The following CLDN10 variants were observed in gnomAD, a reference collection of about 807,000 sequenced individuals.
CLDN10 encodes the protein claudin-10.
In CLDN10, 15 loss-of-function variants were observed where a neutral mutation model predicts 22.9. That is an observed-to-expected ratio of 0.65 (90% CI 0.44 to 1.01). The LOEUF is 1.01. Ranked by LOEUF, CLDN10 falls within the 50% of genes least tolerant of loss-of-function variation. The probability of loss-of-function intolerance (pLI) is 0.00; values close to 1 mark genes in which losing one functional copy is unlikely to be tolerated. For missense variants in CLDN10, 247 were observed against 287.8 expected (o/e 0.86, Z 1.03); for synonymous variants, 114 against 111.4 (o/e 1.02, Z -0.15).
intron 1 of CLDN10, among the ~76,000 whole-genome samples, chr13:95,471,453 A>ATATATATATATATTTT (rs776857009): frequency 8.5e-5 from 9 of 106,390 alleles, no homozygotes; most frequent in Non-Finnish European, 1.4e-4. Flanking sequence ...ATATATATAT[A>ATATATATATATATTTT]TTTTTTTTTT....
In CLDN10 at chr13:95,536,906, G is replaced by T. The variant is rs578016764; in HGVS notation, c.215-23226G>T. Among the ~76,000 whole-genome samples, 4 of 152,310 alleles carry T rather than the reference G, an allele frequency of 2.6e-5. No homozygotes were observed. The South Asian group carries it at 8.3e-4, about 32-fold the overall frequency. On this transcript the variant is annotated intron_variant, in intron 1 of 4. Coordinates refer to the CLDN10 transcript ENST00000376873. Reference sequence around the variant, plus strand: ...ATTTTACAAAATGTCTTTGCTGCTAGTGGTATTTAAATTTCACAGCTGCTG... The same window carrying T: ...ATTTTACAAAATGTCTTTGCTGCTATTGGTATTTAAATTTCACAGCTGCTG...
At chr13:95,550,153 C>T (rs1003690826), upstream of CLDN10, among the ~76,000 whole-genome samples, 8 of 152,146 alleles carry the variant, frequency 5.3e-5, no homozygotes, top group African/African-American at 1.9e-4. Flanking sequence ...GTGTTCCAAG[C>T]AGGAATTCAG....
chr13:95,443,883 C>T (rs2042347191), intron 1 of CLDN10, among the ~76,000 whole-genome samples: 1 of 152,054 alleles, frequency 6.6e-6, no homozygotes, highest in East Asian at 1.9e-4. Context: ...TCAGCAAGGC[C>T]CCAAGTGCCA....
At position 95,578,022 on chromosome 13, in the gene CLDN10, C is replaced by CGCGGGCAAAAAAGA. The variant is rs1566348936; in HGVS notation, c.*10_*11insGGGCAAAAAAGAGC. On this transcript the variant is annotated 3_prime_UTR_variant, in exon 5 of 5. Coordinates refer to ENST00000299339, the MANE Select transcript of CLDN10 (RefSeq NM_006984.5). Reference sequence around the variant, plus strand: ...AAAAATGCTTATGTCTAAAAGAGCTCGCTGGCAAGCTGCCTCTTGAGTTTG... The same window carrying CGCGGGCAAAAAAGA: ...AAAAATGCTTATGTCTAAAAGAGCTCGCGGGCAAAAAAGAGCTGGCAAGCTGCCTCTTGAGTTTG... The CGCGGGCAAAAAAGA allele has an allele frequency of 8.5e-6, 13 of 1,523,076 alleles. No individual in the cohort carries two copies. The highest frequency in any genetic ancestry group is 1.1e-5 in the Non-Finnish European group (12 of 1,100,048). 94.3% of individuals were successfully genotyped at this position (1,523,076 alleles called of 1,614,324 possible). A position where few individuals can be genotyped will look rare whatever the true frequency, so the allele number is the denominator to read the frequency against.
chr13:95,446,048 T>A (rs889175450), intron 1 of CLDN10, among the ~76,000 whole-genome samples: 21 of 151,954 alleles, frequency 1.4e-4, no homozygotes, highest in African/African-American at 4.8e-4. Flanking sequence ...GGAAAAAAAA[T>A]ATATAGGGCA....
chr13:95,552,664 G>A, upstream of CLDN10: 1 of 1,410,818 alleles, frequency 7.1e-7, no homozygotes, highest in Non-Finnish European at 9.3e-7. Flanking sequence ...GGGCGGAGGC[G>A]GAGGCGGGAG....
At chr13:95,497,958 A>G (rs1471721672) in intron 1 of CLDN10, among the ~76,000 whole-genome samples, 1 of 152,242 alleles carries the variant, frequency 6.6e-6, no homozygotes, top group Non-Finnish European at 1.5e-5. Context: ...TTTCTTTAAA[A>G]TAAAAACACA....
At chr13:95,517,021 TCCTC>T (rs1218834732) in intron 1 of CLDN10, among the ~76,000 whole-genome samples, 2 of 115,902 alleles carry the variant, frequency 1.7e-5, no homozygotes, top group Non-Finnish European at 3.6e-5. Flanking sequence ...CTTCCTTCCT[TCCTC>T]CCTCCCTCTC....
intron 1 of CLDN10, among the ~76,000 whole-genome samples, chr13:95,534,510 A>G (rs1024715292): frequency 6.6e-6 from 1 of 152,170 alleles, no homozygotes; most frequent in Non-Finnish European, 1.5e-5. Context: ...CATTTTTAAA[A>G]ATAACTTTTT....
At chr13:95,477,950 C>T (rs1002577349) in intron 1 of CLDN10, among the ~76,000 whole-genome samples, 2 of 152,152 alleles carry the variant, frequency 1.3e-5, no homozygotes, top group Non-Finnish European at 2.9e-5. Context: ...GAAATGAGAT[C>T]TTTTGCCTAA....
chr13:95,541,307 C>A (rs1273771843), intron 1 of CLDN10, among the ~76,000 whole-genome samples: 1 of 152,178 alleles, frequency 6.6e-6, no homozygotes, highest in African/African-American at 2.4e-5. Flanking sequence ...CAACTATACG[C>A]AAGTGAGCAT....
At chr13:95,487,945 T>A (rs2042822345) in intron 1 of CLDN10, among the ~76,000 whole-genome samples, 1 of 151,662 alleles carries the variant, frequency 6.6e-6, no homozygotes, top group African/African-American at 2.4e-5. Context: ...CCCAAAGTGC[T>A]AGGATTACAG....
intron 1 of CLDN10, among the ~76,000 whole-genome samples, chr13:95,440,509 C>T (rs1019069444): frequency 6.6e-6 from 1 of 152,042 alleles, no homozygotes; most frequent in Non-Finnish European, 1.5e-5. Context: ...GACCTTGTCC[C>T]TACAAAAAAA....
chr13:95,508,575 C>A (rs1052918596), intron 1 of CLDN10, among the ~76,000 whole-genome samples: 8 of 152,246 alleles, frequency 5.3e-5, no homozygotes, highest in Admixed American at 1.3e-4. Context: ...TGGTTCTTGC[C>A]ATGAGGTAAG....
At chr13:95,496,652 T>C (rs1201844574) in intron 1 of CLDN10, among the ~76,000 whole-genome samples, 2 of 152,192 alleles carry the variant, frequency 1.3e-5, no homozygotes, top group African/African-American at 2.4e-5. Context: ...CACTGTGTGC[T>C]CATGTTCTGG....
intron 1 of CLDN10, among the ~76,000 whole-genome samples, chr13:95,536,017 G>A (rs1403185608): frequency 6.6e-6 from 1 of 152,140 alleles, no homozygotes; most frequent in East Asian, 1.9e-4. Context: ...GGGAAAGGTA[G>A]GAAAGATGGC....
rs116385303 is a variant in CLDN10 at position 95,565,430 on chromosome 13, C to T, written c.464+4967C>T. ...TTCTTTTTTTGTATATGACATTTACCGTTAATATTTTGGCCCAGCTATTTT... is the reference window on the plus strand; with the variant it reads ...TTCTTTTTTTGTATATGACATTTACTGTTAATATTTTGGCCCAGCTATTTT... On this transcript the variant is annotated intron_variant, in intron 3 of 4. Transcript: ENST00000299339. Among the ~76,000 whole-genome samples, 1,367 of 152,162 alleles carry T rather than the reference C, an allele frequency of 9.0e-3. 22 individuals are homozygous for T. Among genetic ancestry groups the T allele is most frequent in the African/African-American group, 0.031 (1,301 of 41,512 alleles).
chr13:95,564,178 C>T (rs371199964), intron 3 of CLDN10, among the ~76,000 whole-genome samples: 1 of 152,140 alleles, frequency 6.6e-6, no homozygotes, highest in African/African-American at 2.4e-5. Flanking sequence ...GAATTAAGTT[C>T]CTTGAGGTCA....
At chr13:95,524,916 A>G (rs1566316907) in intron 1 of CLDN10, among the ~76,000 whole-genome samples, 2 of 151,002 alleles carry the variant, frequency 1.3e-5, no homozygotes, top group Admixed American at 6.6e-5. Context: ...CTGGAGTGCA[A>G]TGGCGAGATC....
Sources: gnomAD v4.1 joint callset for allele counts (sites outside exome capture counted in the v4.1 genomes callset) on GRCh38, gnomAD v4.1.1 for gene constraint, MANE v1.5 for transcripts, NCBI Gene and HGNC (gene_info 2026-07-23, HGNC 2026-07-21) for gene names.